Variants in RAB7A observed in about 807,000 individuals in gnomAD.
RAB7A encodes ras-related protein Rab-7a.
A neutral mutation model predicts 24.5 loss-of-function variants in RAB7A; 2 were observed. The observed-to-expected ratio is 0.08, with a 90% CI of 0.03 to 0.26. The LOEUF is 0.26. RAB7A is among the 10% of genes least tolerant of loss of function. The pLI, the probability that RAB7A is intolerant of heterozygous loss-of-function variation, is 1.00. For synonymous variants in RAB7A, 100 were observed against 95.9 expected (o/e 1.04, Z -0.25); for missense variants, 118 against 255.7 (o/e 0.46, Z 3.67).
chr3:128,761,599 C>G (rs1416587239), intron 1 of RAB7A, among the ~76,000 whole-genome samples: 1 of 152,122 alleles, frequency 6.6e-6, no homozygotes, highest in African/African-American at 2.4e-5. Context: ...AGGTCTGTGT[C>G]CAGATTGGCA....
intron 1 of RAB7A, among the ~76,000 whole-genome samples, chr3:128,793,802 G>T (rs547954762): frequency 5.3e-4 from 81 of 152,332 alleles, no homozygotes; most frequent in African/African-American, 1.9e-3. Context: ...CTAGATGAAT[G>T]CTGGTGGGCT....
At chr3:128,733,870 C>T (rs1339081331) in intron 1 of RAB7A, among the ~76,000 whole-genome samples, 1 of 152,162 alleles carries the variant, frequency 6.6e-6, no homozygotes, top group African/African-American at 2.4e-5. Flanking sequence ...TAGATATGGC[C>T]AGTTTTCAAA....
At chr3:128,737,915 A>G (rs1559779112) in intron 1 of RAB7A, among the ~76,000 whole-genome samples, 2 of 133,406 alleles carry the variant, frequency 1.5e-5, no homozygotes, top group Admixed American at 8.8e-5. Flanking sequence ...GCCTCAAGTG[A>G]TCCTCCTATT....
chr3:128,787,441 C>G (rs1056363520), intron 1 of RAB7A, among the ~76,000 whole-genome samples: 1 of 152,128 alleles, frequency 6.6e-6, no homozygotes, highest in Non-Finnish European at 1.5e-5. Context: ...AAAGTCCCAG[C>G]CCTCACAAGC....
chr3:128,793,598 A>G (rs964547038), intron 1 of RAB7A, among the ~76,000 whole-genome samples: 4 of 152,220 alleles, frequency 2.6e-5, no homozygotes, highest in Admixed American at 6.5e-5. Context: ...CTATCTTGAA[A>G]TATGATACCA....
At chr3:128,764,407 T>C (rs1022839824) in intron 1 of RAB7A, 10 of 718,336 alleles carry the variant, frequency 1.4e-5, no homozygotes, top group Non-Finnish European at 2.0e-5. Context: ...CCAACATGCA[T>C]GCACTGCCTT....
chr3:128,755,498 A>G (rs2070721915), intron 1 of RAB7A, among the ~76,000 whole-genome samples: 1 of 152,178 alleles, frequency 6.6e-6, no homozygotes, highest in Non-Finnish European at 1.5e-5. Flanking sequence ...GAACTAATAC[A>G]GTAGAGATAA....
At chr3:128,766,621 T>TTTGG (rs1417713538) in intron 1 of RAB7A, among the ~76,000 whole-genome samples, 1 of 151,874 alleles carries the variant, frequency 6.6e-6, no homozygotes, top group Non-Finnish European at 1.5e-5. Context: ...GGTCATACAT[T>TTTGG]TTGGTTGGTT....
intron 1 of RAB7A, among the ~76,000 whole-genome samples, chr3:128,729,015 C>T (rs1292050039): frequency 6.6e-6 from 1 of 152,152 alleles, no homozygotes; most frequent in Non-Finnish European, 1.5e-5. Flanking sequence ...TTGGATTTTA[C>T]ATTTGTGGTA....
chr3:128,750,011 G>A (rs1307992360), intron 1 of RAB7A, among the ~76,000 whole-genome samples: 2 of 152,198 alleles, frequency 1.3e-5, no homozygotes, highest in Non-Finnish European at 2.9e-5. Flanking sequence ...AAGAGGACAG[G>A]AAAATGTGGG....
At chr3:128,786,603 C>A (rs1933347295) in intron 1 of RAB7A, among the ~76,000 whole-genome samples, 1 of 152,098 alleles carries the variant, frequency 6.6e-6, no homozygotes, top group Admixed American at 6.6e-5. Flanking sequence ...TGGAATGTTA[C>A]TTTGGAATCT....
intron 1 of RAB7A, among the ~76,000 whole-genome samples, chr3:128,790,107 A>G (rs1015241829): frequency 1.3e-5 from 2 of 152,122 alleles, no homozygotes; most frequent in African/African-American, 2.4e-5. Flanking sequence ...GCTCTTTTCT[A>G]GAAACAAGTG....
chr3:128,745,923 C>T (rs868147017), intron 1 of RAB7A, among the ~76,000 whole-genome samples: 2 of 152,252 alleles, frequency 1.3e-5, no homozygotes, highest in African/African-American at 4.8e-5. Context: ...GGTCACACAG[C>T]AATGTGGGCT....
At chr3:128,805,070 A>G (rs898740483) in intron 3 of RAB7A, among the ~76,000 whole-genome samples, 1 of 152,246 alleles carries the variant, frequency 6.6e-6, no homozygotes, top group Non-Finnish European at 1.5e-5. Flanking sequence ...GCATATGACT[A>G]GAACAAGACA....
At chr3:128,729,556 C>T (rs1322440767) in intron 1 of RAB7A, among the ~76,000 whole-genome samples, 3 of 136,468 alleles carry the variant, frequency 2.2e-5, no homozygotes, top group East Asian at 2.1e-4. Flanking sequence ...GGCGACAGAG[C>T]GAGACTTCTT....
At chr3:128,796,876 C>T (rs1219254445) in intron 2 of RAB7A, among the ~76,000 whole-genome samples, 1 of 152,140 alleles carries the variant, frequency 6.6e-6, no homozygotes, top group Non-Finnish European at 1.5e-5. Flanking sequence ...GTTGCCCAGG[C>T]TGGTCTCAAA....
At chr3:128,781,293 A>G (rs923618799) in intron 1 of RAB7A, among the ~76,000 whole-genome samples, 4 of 152,224 alleles carry the variant, frequency 2.6e-5, no homozygotes, top group African/African-American at 7.2e-5. Flanking sequence ...TCATGTGTCA[A>G]ATGGAATGCT....
intron 1 of RAB7A, among the ~76,000 whole-genome samples, chr3:128,762,070 ATATACACT>A (rs1396314390): frequency 2.0e-5 from 3 of 152,354 alleles, no homozygotes; most frequent in African/African-American, 7.2e-5. Flanking sequence ...TGCCACTGAA[ATATACACT>A]TAAAAATGGT....
intron 4 of RAB7A, among the ~76,000 whole-genome samples, 156 bp from the exon 5 acceptor site, chr3:128,807,387 C>T (rs919314352): frequency 8.5e-5 from 13 of 152,128 alleles, no homozygotes; most frequent in Non-Finnish European, 1.6e-4. Context: ...CAAGTTTGGA[C>T]GGGTCTGCAG....
Sources: gnomAD v4.1 joint callset for allele counts (sites outside exome capture counted in the v4.1 genomes callset) on GRCh38, gnomAD v4.1.1 for gene constraint, MANE v1.5 for transcripts, NCBI Gene and HGNC (gene_info 2026-07-23, HGNC 2026-07-21) for gene names.